The following DZANK1 variants were observed in gnomAD, a reference collection of about 807,000 sequenced individuals.
DZANK1 encodes the protein double zinc ribbon and ankyrin repeat-containing protein 1.
In DZANK1, 91 loss-of-function variants were observed where a neutral mutation model predicts 94.5. The observed-to-expected ratio is 0.96, with a 90% CI of 0.81 to 1.15. The LOEUF is 1.15. Among genes scored for constraint, DZANK1 ranks in the 50% most tolerant of loss-of-function variants. The probability of loss-of-function intolerance (pLI) is 0.00; values close to 1 mark genes in which losing one functional copy is unlikely to be tolerated. For synonymous variants in DZANK1, 312 were observed against 325.3 expected (o/e 0.96, Z 0.44); for missense variants, 903 against 916.4 (o/e 0.99, Z 0.19).
chr20:18,466,084 A>G (rs1392791431), intron 1 of DZANK1, among the ~76,000 whole-genome samples: 4 of 152,198 alleles, frequency 2.6e-5, no homozygotes, highest in African/African-American at 2.4e-5. Context: ...GGTGGGGAGG[A>G]AGGTTGTCAT....
At chr20:18,421,431 T>C (rs1352857946) in intron 10 of DZANK1, 1 of 152,948 alleles carries the variant, frequency 6.5e-6, no homozygotes, top group Non-Finnish European at 1.5e-5. Flanking sequence ...AAGAAAAATG[T>C]CTCCACAGCA....
At chr20:18,428,075 C>T (rs1348518985) in intron 9 of DZANK1, among the ~76,000 whole-genome samples, 12 of 150,080 alleles carry the variant, frequency 8.0e-5, no homozygotes, top group Non-Finnish European at 1.6e-4. Flanking sequence ...GGTGTGAACC[C>T]GGGAGGCGGA....
chr20:18,386,703 G>C (rs2048515084), intron 19 of DZANK1, among the ~76,000 whole-genome samples: 3 of 152,138 alleles, frequency 2.0e-5, no homozygotes, highest in Non-Finnish European at 2.9e-5. Flanking sequence ...AACAGTTCTA[G>C]AAAGAGAATA....
intron 10 of DZANK1, among the ~76,000 whole-genome samples, chr20:18,419,608 T>C (rs1388795445): frequency 2.0e-5 from 3 of 152,160 alleles, no homozygotes; most frequent in African/African-American, 7.2e-5. Flanking sequence ...GCAGAAAGCA[T>C]GGAGGCCAAA....
intron 13 of DZANK1, among the ~76,000 whole-genome samples, chr20:18,409,350 A>ACT (rs2057119432): frequency 6.6e-6 from 1 of 152,064 alleles, no homozygotes; most frequent in Admixed American, 6.6e-5. Context: ...TAACAGCAGA[A>ACT]CTCTCATCAG....
chr20:18,434,511 C>T (rs1383464693), intron 8 of DZANK1, among the ~76,000 whole-genome samples: 3 of 145,788 alleles, frequency 2.1e-5, no homozygotes, highest in Non-Finnish European at 4.5e-5. Flanking sequence ...CCTCACTGCA[C>T]TCCAGCCTGG....
chr20:18,422,403 C>T (rs948837242), intron 10 of DZANK1, among the ~76,000 whole-genome samples: 5 of 152,220 alleles, frequency 3.3e-5, no homozygotes, highest in Non-Finnish European at 5.9e-5. Context: ...GGTCTACATG[C>T]CTGTTTTTAT....
chr20:18,437,781 C>T (rs886872644), intron 8 of DZANK1, among the ~76,000 whole-genome samples: 1 of 151,740 alleles, frequency 6.6e-6, no homozygotes, highest in Admixed American at 6.6e-5. Flanking sequence ...TATGTATCCA[C>T]AAAAATTAAA....
intron 10 of DZANK1, 116 bp from the exon 11 acceptor site, chr20:18,415,565 T>G (rs1161755996): frequency 1.1e-5 from 12 of 1,107,322 alleles, no homozygotes; most frequent in Non-Finnish European, 1.4e-5. Context: ...ATAGTGTTTT[T>G]TTTGTTTTGT....
chr20:18,409,580 A>ACACACACACACAC (rs1416918028), intron 13 of DZANK1, among the ~76,000 whole-genome samples: 3 of 138,270 alleles, frequency 2.2e-5, no homozygotes, highest in African/African-American at 7.8e-5. Context: ...ACACACACAC[A>ACACACACACACAC]CACCACCACC....
chr20:18,434,166 G>T (rs2058412931), intron 8 of DZANK1, among the ~76,000 whole-genome samples: 1 of 151,406 alleles, frequency 6.6e-6, no homozygotes, highest in Non-Finnish European at 1.5e-5. Flanking sequence ...TTGTAGAAAA[G>T]AGAGATGTTA....
At position 18,456,624 on chromosome 20, in the gene DZANK1, A is replaced by G. The variant is rs555052797; in HGVS notation, c.264-1263T>C. On this transcript the variant is annotated intron_variant, in intron 3 of 20. Transcript: ENST00000262547. ...CCACTGATCTGTTTCCTATCTCTAT[A>G]GTTTTGTCTTTTCTAGAAATTTAAC... Among the ~76,000 whole-genome samples, 35 of 152,030 alleles carry G rather than the reference A, an allele frequency of 2.3e-4. 1 individual carries two copies. The South Asian group carries it at 6.9e-3, about 30-fold the overall frequency.
intron 10 of DZANK1, among the ~76,000 whole-genome samples, chr20:18,422,655 A>C (rs1386445224): frequency 6.6e-6 from 1 of 152,158 alleles, no homozygotes; most frequent in African/African-American, 2.4e-5. Flanking sequence ...CATCATCAAG[A>C]TATCTCATTA....
Position 18,439,083 on chromosome 20 carries a change from G to A in DZANK1, c.747+4264C>T, listed in dbSNP as rs552597233. 7.9e-4 allele frequency among the ~76,000 whole-genome samples: 121 copies of A among 152,322 alleles called. 1 individual carries two copies. Among genetic ancestry groups the A allele is most frequent in the Admixed American group, 1.5e-3 (23 of 15,306 alleles). On this transcript the variant is annotated intron_variant, in intron 8 of 20. Transcript: ENST00000262547. ...ACTACAAGTCAGAGTTGAGGTTAAG[G>A]TTCCATCTATCACCTGCGCACCTAA...
rs914417048 is a variant in DZANK1 at position 18,453,161 on chromosome 20, A to G, written c.476-479T>C. On this transcript the variant is annotated intron_variant, in intron 5 of 20. Transcript: ENST00000262547. ...GATTATCAGAAACTTTGCTGTTTGA[A>G]ATTCTCAGTAAGAACGAAACATTCA... 4.6e-5 allele frequency among the ~76,000 whole-genome samples: 7 copies of G among 152,232 alleles called. No homozygotes were observed. In the East Asian group the frequency reaches 9.6e-4, roughly 21 times the overall value.
chr20:18,448,884 A>AGTTGGTGGTGGG, intron 7 of DZANK1, 100 bp downstream of exon 7: 1 of 959,792 alleles, frequency 1.0e-6, no homozygotes, highest in Non-Finnish European at 1.6e-6. Context: ...AAAAAAAAAA[A>AGTTGGTGGTGGG]AAGTTGGAGG....
At chr20:18,427,235 C>T in intron 9 of DZANK1, 76 bp from the exon 10 acceptor site, 1 of 1,155,806 alleles carries the variant, frequency 8.7e-7, no homozygotes, top group Non-Finnish European at 1.2e-6. Context: ...CCAGTCTTTT[C>T]TGTCAGTCAT....
At chr20:18,448,934 G>A (rs369603795) in intron 7 of DZANK1, 50 bp downstream of exon 7, 1 of 1,315,678 alleles carries the variant, frequency 7.6e-7, no homozygotes, top group South Asian at 1.2e-5. Context: ...CTTTGACCAT[G>A]ATGTATCTTT....
At chr20:18,424,055 G>A (rs545527707) in intron 10 of DZANK1, among the ~76,000 whole-genome samples, 10 of 151,970 alleles carry the variant, frequency 6.6e-5, no homozygotes, top group Non-Finnish European at 1.5e-4. Flanking sequence ...GAGAAGGAAT[G>A]ATAAAGAAAG....
Sources: allele counts gnomAD v4.1 joint callset (sites outside exome capture counted in the v4.1 genomes callset), GRCh38; gene constraint gnomAD v4.1.1; transcripts MANE v1.5; gene names NCBI Gene and HGNC (gene_info 2026-07-23, HGNC 2026-07-21).